TPGS2: variants seen among roughly 807,000 people sequenced by gnomAD.
TPGS2 encodes polyglutamylase subunit 2.
Under a neutral mutation model 31.1 loss-of-function variants are expected in TPGS2, and 26 were observed. The ratio of observed to expected loss-of-function variants is 0.84; its 90% CI spans 0.61 to 1.16. TPGS2 has a LOEUF of 1.16. TPGS2 is among the 50% of genes most tolerant of loss of function. The pLI is 0.00. For synonymous variants in TPGS2, 130 were observed against 136.6 expected, an observed-to-expected ratio of 0.95 and a Z score of 0.34; for missense variants, 351 against 363.8, an observed-to-expected ratio of 0.96 and a Z score of 0.29.
At chr18:36,785,994 G>A (rs1567988730) in intron 6 of TPGS2, among the ~76,000 whole-genome samples, 1 of 152,094 alleles carries the variant, frequency 6.6e-6, no homozygotes, top group Non-Finnish European at 1.5e-5. Flanking sequence ...TAACGCATGT[G>A]TACTGAAAAA....
chr18:36,828,472 C>T (rs534003193), intron 1 of TPGS2, among the ~76,000 whole-genome samples: 1 of 152,202 alleles, frequency 6.6e-6, no homozygotes, highest in African/African-American at 2.4e-5. Context: ...TTCAGGCTTC[C>T]CAGCTCTGCC....
At chr18:36,781,139 G>A (rs147427791), downstream of TPGS2, among the ~76,000 whole-genome samples, 3 of 152,262 alleles carry the variant, frequency 2.0e-5, no homozygotes, top group African/African-American at 7.2e-5. Context: ...GATCAGATGG[G>A]AAGGCACTGG....
chr18:36,818,244 G>C (rs2045744140), intron 2 of TPGS2, among the ~76,000 whole-genome samples: 2 of 152,140 alleles, frequency 1.3e-5, no homozygotes, highest in South Asian at 4.1e-4. Flanking sequence ...CAGGTCTCCA[G>C]ACAATGCTCC....
At position 36,795,457 on chromosome 18, in the gene TPGS2, T is replaced by C. The variant is rs1385087425; in HGVS notation, c.*1348A>G. On this transcript the variant is annotated 3_prime_UTR_variant, in exon 7 of 7. Transcript: ENST00000334295. ...ACCTCTGGGACTTCAGTACAAAAAC[T>C]GCAGCCACCCAAAGAACTTGGGGCT... 17 of 985,306 alleles carry C rather than the reference T, an allele frequency of 1.7e-5. No homozygotes were observed. The highest frequency in any genetic ancestry group is 2.0e-5 in the Non-Finnish European group (17 of 829,948). 61.0% of individuals were successfully genotyped at this position (985,306 alleles called of 1,614,324 possible).
chr18:36,822,466 C>T (rs1234513610), intron 1 of TPGS2, among the ~76,000 whole-genome samples: 1 of 152,080 alleles, frequency 6.6e-6, no homozygotes, highest in African/African-American at 2.4e-5. Context: ...GTTGTGGGAT[C>T]CCAGAAACAT....
In TPGS2 at chr18:36,796,608, C is replaced by T. The variant is rs567588358; in HGVS notation, c.*197G>A. 9.9e-4 allele frequency: 1,334 copies of T among 1,342,816 alleles called. 25 individuals are homozygous for T. In the South Asian group the frequency reaches 0.025, roughly 25 times the overall value. 83.2% of individuals were successfully genotyped at this position (1,342,816 alleles called of 1,614,324 possible). A position where few individuals can be genotyped will look rare whatever the true frequency, so the allele number is the denominator to read the frequency against. ...CCAAATTCCCCATTGCTTCCAGAGG[C>T]AGGGGACAGCACAACCTGCTCTGGA... On this transcript the variant is annotated 3_prime_UTR_variant, in exon 7 of 7. Transcript: ENST00000334295.
At position 36,828,970 on chromosome 18, in the gene TPGS2, C is replaced by T; in HGVS notation, c.-203G>A. On this transcript the variant is annotated 5_prime_UTR_variant, in exon 1 of 7. In the 5' UTR this introduces an upstream ATG that the reference lacks. Coordinates refer to ENST00000334295, the MANE Select transcript of TPGS2 (RefSeq NM_015476.4). ...TCCCGCGGCCCCGCCCGGTGCCCCA[C>T]ACCGCACCTCCGGGACGTAGCTTCC... is the stretch of plus-strand genomic sequence containing the variant. 1.9e-6 allele frequency: 2 copies of T among 1,031,908 alleles called. No homozygotes were observed. Among genetic ancestry groups the T allele is most frequent in the Admixed American group, 3.3e-5 (1 of 30,320 alleles). 63.9% of individuals were successfully genotyped at this position (1,031,908 alleles called of 1,614,324 possible).
At chr18:36,820,278 T>C (rs2018677357) in intron 1 of TPGS2, among the ~76,000 whole-genome samples, 2 of 152,190 alleles carry the variant, frequency 1.3e-5, no homozygotes, top group South Asian at 4.1e-4. Flanking sequence ...CATACAATTA[T>C]TTACTGTTTA....
At chr18:36,819,100 C>G in intron 1 of TPGS2, 127 bp from the exon 2 acceptor site, 1 of 733,350 alleles carries the variant, frequency 1.4e-6, no homozygotes, top group East Asian at 2.6e-5. Context: ...ACACTTATTA[C>G]CCCTGTAATG....
intron 1 of TPGS2, among the ~76,000 whole-genome samples, chr18:36,826,046 A>AT (rs1470908376): frequency 1.3e-5 from 2 of 151,370 alleles, no homozygotes; most frequent in African/African-American, 4.9e-5. Flanking sequence ...TTATTCTTTT[A>AT]TTTTTTTTGA....
chr18:36,823,878 A>G (rs2046016077), intron 1 of TPGS2: 1 of 985,034 alleles, frequency 1.0e-6, no homozygotes, highest in South Asian at 4.7e-5. Flanking sequence ...AGTCCTGTGG[A>G]TTAGAGTAGG....
chr18:36,822,280 T>A lies in TPGS2; in HGVS notation c.86-3307A>T, dbSNP rs548528688. 1.1e-4 allele frequency among the ~76,000 whole-genome samples: 17 copies of A among 152,324 alleles called. 2 individuals are homozygous for A. The South Asian group carries it at 3.3e-3, about 30-fold the overall frequency. ...TTCACTATTTAAGGAAGAAGTGTAT[T>A]CTATGTGACCACTGACAAGAGGGAA... is the stretch of plus-strand genomic sequence containing the variant. On this transcript the variant is annotated intron_variant, in intron 1 of 6. Coordinates refer to ENST00000334295, the MANE Select transcript of TPGS2 (RefSeq NM_015476.4).
intron 1 of TPGS2, among the ~76,000 whole-genome samples, chr18:36,823,369 T>C (rs1275460100): frequency 6.6e-6 from 1 of 152,136 alleles, no homozygotes; most frequent in Non-Finnish European, 1.5e-5. Context: ...CTACATTCCT[T>C]GTTAAAAGGT....
chr18:36,817,429 CTTTCT>C (rs1267075784), intron 2 of TPGS2, among the ~76,000 whole-genome samples: 8 of 148,176 alleles, frequency 5.4e-5, no homozygotes, highest in Non-Finnish European at 7.5e-5. Flanking sequence ...ATTTTTCTTT[CTTTCT>C]TTTTTTTTTT....
At chr18:36,788,655 G>A (rs909070767) in intron 6 of TPGS2, 1 of 152,162 alleles carries the variant, frequency 6.6e-6, no homozygotes, top group African/African-American at 2.4e-5. Flanking sequence ...GATTAACCTA[G>A]CTGGTCTTCA....
intron 6 of TPGS2, chr18:36,786,750 C>T: frequency 8.4e-7 from 1 of 1,194,832 alleles, no homozygotes; most frequent in Non-Finnish European, 1.0e-6. Context: ...AACTCAGTTT[C>T]TAAGGTTCTC....
intron 2 of TPGS2, among the ~76,000 whole-genome samples, chr18:36,814,523 C>G (rs1205695659): frequency 1.3e-5 from 2 of 152,164 alleles, no homozygotes; most frequent in African/African-American, 4.8e-5. Context: ...TCACAAAAGA[C>G]TAGATTACAC....
At chr18:36,809,283 T>C (rs1195120044) in intron 2 of TPGS2, among the ~76,000 whole-genome samples, 1 of 152,184 alleles carries the variant, frequency 6.6e-6, no homozygotes, top group Admixed American at 6.5e-5. Flanking sequence ...TAGGAAATTA[T>C]TATTATTCAC....
downstream of TPGS2, chr18:36,782,838 C>G (rs1231778162): frequency 5.5e-6 from 2 of 361,510 alleles, no homozygotes; most frequent in Non-Finnish European, 4.9e-6. Context: ...ATGAAATGAA[C>G]GTTTGAAAAA....
Sources: gnomAD v4.1 joint callset for allele counts (sites outside exome capture counted in the v4.1 genomes callset) on GRCh38, gnomAD v4.1.1 for gene constraint, MANE v1.5 for transcripts, NCBI Gene and HGNC (gene_info 2026-07-23, HGNC 2026-07-21) for gene names.